UFM1: variants seen among roughly 807,000 people sequenced by gnomAD.
The protein encoded by UFM1 is ubiquitin fold modifier 1.
UFM1 carries 9 observed loss-of-function variants against 15.4 expected under a neutral mutation model. The ratio of observed to expected loss-of-function variants is 0.59; its 90% CI spans 0.35 to 1.02. The LOEUF (loss-of-function observed/expected upper bound fraction) is 1.02. Ranked by LOEUF, UFM1 falls within the 50% of genes least tolerant of loss-of-function variation. UFM1 has a pLI of 0.02. For synonymous variants in UFM1, 27 were observed against 36.3 expected (o/e 0.74, Z 0.92); for missense variants, 98 against 104.7 (o/e 0.94, Z 0.28).
intron 5 of UFM1, chr13:38,360,016 TA>T (rs765286129): frequency 8.8e-5 from 32 of 364,684 alleles, no homozygotes; most frequent in African/African-American, 5.2e-4. Context: ...TTCTTTATTG[TA>T]ACAAAATTAT....
At chr13:38,353,831 G>A (rs896626334) in intron 2 of UFM1, among the ~76,000 whole-genome samples, 1 of 152,080 alleles carries the variant, frequency 6.6e-6, no homozygotes, top group Non-Finnish European at 1.5e-5. Context: ...TAATGAAAAT[G>A]ATAACATTAC....
At chr13:38,354,941 T>C (rs1236450396) in intron 3 of UFM1, 2 of 151,996 alleles carry the variant, frequency 1.3e-5, no homozygotes, top group East Asian at 1.9e-4. Flanking sequence ...CTATGTGACA[T>C]GATGCAAATC....
At position 38,350,062 on chromosome 13, in the gene UFM1, A is replaced by T; in HGVS notation, c.59+7A>T. The T allele has an allele frequency of 6.2e-7, 1 of 1,614,198 alleles. No homozygotes were observed. The highest frequency in any genetic ancestry group is 8.5e-7 in the Non-Finnish European group (1 of 1,180,028). The stretch of plus-strand genomic sequence containing the variant: ...CACGGCTGCCGTACAAAGTGTGAGT[A>T]GCTCGGCCGAGATGGGCCTTTTGGG... On this transcript the variant is annotated splice_region_variant and intron_variant, in intron 2 of 5. Coordinates refer to ENST00000239878, the MANE Select transcript of UFM1 (RefSeq NM_016617.4).
rs1566028860 is a variant in UFM1, at chr13:38,349,881, C to T, written c.-39C>T. On this transcript the variant is annotated 5_prime_UTR_variant, in exon 1 of 6. Coordinates refer to ENST00000239878, the MANE Select transcript of UFM1 (RefSeq NM_016617.4). The stretch of plus-strand genomic sequence containing the variant: ...ACTAGAGGAAGTCGTGCTACCCCCG[C>T]GGAGTTGTCGTGTGTTCTGGATTCA... The T allele has an allele frequency of 1.2e-6, 2 of 1,614,124 alleles. No individual in the cohort carries two copies. The highest frequency in any genetic ancestry group is 1.7e-5 in the Admixed American group (1 of 60,020).
At chr13:38,359,928 A>C in intron 5 of UFM1, 1 of 221,114 alleles carries the variant, frequency 4.5e-6, no homozygotes, top group South Asian at 5.3e-5. Flanking sequence ...CTTATAATCT[A>C]AAGTTTTAAA....
Position 38,357,770 on chromosome 13 carries a change from CAG to C in UFM1, c.118-321_118-320del, listed in dbSNP as rs560257946. Among the ~76,000 whole-genome samples, 41 of 151,746 alleles carry C rather than the reference CAG, an allele frequency of 2.7e-4. 1 individual carries two copies. In the South Asian group the frequency reaches 3.1e-3, roughly 12 times the overall value. On this transcript the variant is annotated intron_variant, in intron 3 of 5. Coordinates refer to ENST00000239878, the MANE Select transcript of UFM1 (RefSeq NM_016617.4). ...AGAAAAAATACTAAGAAAATCATAA[CAG>C]AAAGTATATTTACTATTCATTAAGT...
chr13:38,357,044 A>G (rs1443340143), intron 3 of UFM1, among the ~76,000 whole-genome samples: 1 of 151,972 alleles, frequency 6.6e-6, no homozygotes, highest in Non-Finnish European at 1.5e-5. Flanking sequence ...CATCTCTGAA[A>G]TAGATCAGGG....
intron 3 of UFM1, 113 bp downstream of exon 3, chr13:38,354,409 A>G (rs2140054489): frequency 1.3e-6 from 1 of 792,282 alleles, no homozygotes; most frequent in Non-Finnish European, 1.9e-6. Flanking sequence ...CTTCATTACT[A>G]GGTTTATGTT....
chr13:38,355,628 C>T (rs1264954206), intron 3 of UFM1, among the ~76,000 whole-genome samples: 1 of 151,618 alleles, frequency 6.6e-6, no homozygotes, highest in Non-Finnish European at 1.5e-5. Context: ...CACCACACAA[C>T]CATATATATT....
At chr13:38,352,054 A>G (rs750878915) in intron 2 of UFM1, among the ~76,000 whole-genome samples, 7 of 150,598 alleles carry the variant, frequency 4.6e-5, no homozygotes, top group South Asian at 4.2e-4. Flanking sequence ...CATATTTTAT[A>G]GTAATAAAAA....
intron 3 of UFM1, chr13:38,354,750 A>T (rs747732446): frequency 6.6e-6 from 1 of 151,968 alleles, no homozygotes; most frequent in African/African-American, 2.4e-5. Context: ...CTAGTTTTTT[A>T]AAACATGTTT....
At position 38,360,877 on chromosome 13, in the gene UFM1, A is replaced by T. The variant is rs1364140418; in HGVS notation, c.*99A>T. The T allele has an allele frequency of 1.1e-6, 1 of 937,842 alleles. No homozygotes were observed. Among genetic ancestry groups the T allele is most frequent in the East Asian group, 2.5e-5 (1 of 39,646 alleles). 58.1% of individuals were successfully genotyped at this position (937,842 alleles called of 1,614,324 possible). ...CAGGCATTTAACATACTATGAAAACACCAGGAGTCAATGATTAATGAAAGG... is the reference window on the plus strand; with the variant it reads ...CAGGCATTTAACATACTATGAAAACTCCAGGAGTCAATGATTAATGAAAGG... On this transcript the variant is annotated 3_prime_UTR_variant, in exon 6 of 6. Coordinates refer to ENST00000239878, the MANE Select transcript of UFM1 (RefSeq NM_016617.4).
At chr13:38,357,497 CTG>C (rs1468563830) in intron 3 of UFM1, among the ~76,000 whole-genome samples, 1 of 107,218 alleles carries the variant, frequency 9.3e-6, no homozygotes, top group Admixed American at 1.1e-4. Context: ...ATCAAAAGCA[CTG>C]TTTATAATAC....
intron 3 of UFM1, among the ~76,000 whole-genome samples, chr13:38,356,704 A>AAC (rs1325075838): frequency 6.7e-6 from 1 of 149,960 alleles, no homozygotes; most frequent in East Asian, 1.9e-4. Context: ...GTACCACCAA[A>AAC]AAAAAAAAAA....
At chr13:38,351,043 A>G (rs1878825379) in intron 2 of UFM1, among the ~76,000 whole-genome samples, 1 of 152,220 alleles carries the variant, frequency 6.6e-6, no homozygotes, top group Admixed American at 6.5e-5. Context: ...TTTCTCATCT[A>G]CAACGTTTCA....
chr13:38,360,523 A>G (rs1474032850), intron 5 of UFM1, among the ~76,000 whole-genome samples, 188 bp from the exon 6 acceptor site: 1 of 152,044 alleles, frequency 6.6e-6, no homozygotes, highest in African/African-American at 2.4e-5. Flanking sequence ...TTTTAAGCGT[A>G]TGTTGGATTG....
At chr13:38,350,084 T>G (rs746658555) in intron 2 of UFM1, 29 bp downstream of exon 2, 2 of 1,614,220 alleles carry the variant, frequency 1.2e-6, no homozygotes, top group South Asian at 2.2e-5. Flanking sequence ...ATGGGCCTTT[T>G]GGGGCCGGAC....
chr13:38,350,180 G>A, intron 2 of UFM1, 125 bp downstream of exon 2: 1 of 1,613,824 alleles, frequency 6.2e-7, no homozygotes, highest in Non-Finnish European at 8.5e-7. Flanking sequence ...CTACTTTCCT[G>A]GCTCGCGCCC....
At position 38,351,169 on chromosome 13, in the gene UFM1, A is replaced by G. The variant is rs574576987; in HGVS notation, c.59+1114A>G. Among the ~76,000 whole-genome samples the G allele has an allele frequency of 2.6e-5, 4 of 152,276 alleles. 1 individual carries two copies. The South Asian group carries it at 8.3e-4, about 32-fold the overall frequency. On this transcript the variant is annotated intron_variant, in intron 2 of 5. Transcript: ENST00000239878. The stretch of plus-strand genomic sequence containing the variant: ...TCCACCTTTAAATCATTCTCATGCA[A>G]ACACCCTCAACTCTGGTGGCCCTGT...
Sources: gnomAD v4.1 joint callset for allele counts (sites outside exome capture counted in the v4.1 genomes callset) on GRCh38, gnomAD v4.1.1 for gene constraint, MANE v1.5 for transcripts, NCBI Gene and HGNC (gene_info 2026-07-23, HGNC 2026-07-21) for gene names.